Variants in CCDC81 observed in about 807,000 individuals in gnomAD.
CCDC81 encodes coiled-coil domain-containing protein 81.
In CCDC81, 79 loss-of-function variants were observed where a neutral mutation model predicts 83.7. That is an observed-to-expected ratio of 0.94 (90% CI 0.79 to 1.14). CCDC81 has a LOEUF of 1.14. Ranked by LOEUF, CCDC81 falls within the 50% of genes most tolerant of loss-of-function variation. The pLI is 0.00. For missense variants in CCDC81, 791 were observed against 778.1 expected, an observed-to-expected ratio of 1.02 and a Z score of -0.20; for synonymous variants, 252 against 278.1, an observed-to-expected ratio of 0.91 and a Z score of 0.93.
intron 1 of CCDC81, among the ~76,000 whole-genome samples, chr11:86,380,466 G>C (rs540977887): frequency 6.6e-6 from 1 of 152,188 alleles, no homozygotes; most frequent in African/African-American, 2.4e-5. Context: ...GGTGTTATTT[G>C]AGCTTCCTGG....
chr11:86,402,510 A>G (rs1402216360), intron 7 of CCDC81, among the ~76,000 whole-genome samples: 1 of 152,072 alleles, frequency 6.6e-6, no homozygotes, highest in African/African-American at 2.4e-5. Flanking sequence ...CCAATCTCCT[A>G]TTGGATATTT....
chr11:86,418,070 C>G (rs192050611), intron 13 of CCDC81, among the ~76,000 whole-genome samples: 82 of 152,154 alleles, frequency 5.4e-4, no homozygotes, highest in African/African-American at 1.9e-3. Flanking sequence ...ATTATTTTAA[C>G]CTATCCTTAA....
chr11:86,382,129 T>A (rs1948185203), intron 1 of CCDC81, among the ~76,000 whole-genome samples: 2 of 152,178 alleles, frequency 1.3e-5, no homozygotes. Context: ...GACCTTTATG[T>A]TAAGCCTGAT....
intron 6 of CCDC81, 42 bp from the exon 7 acceptor site, chr11:86,400,636 A>G: frequency 1.3e-6 from 2 of 1,558,310 alleles, no homozygotes; most frequent in South Asian, 1.2e-5. Context: ...GTGGTTTGAG[A>G]GTTGAAAGGA....
At chr11:86,407,805 C>A in intron 8 of CCDC81, 104 bp downstream of exon 8, 1 of 769,780 alleles carries the variant, frequency 1.3e-6, no homozygotes, top group Non-Finnish European at 2.2e-6. Flanking sequence ...ATGAGTATGG[C>A]TCAAGTACTC....
At chr11:86,406,632 C>A (rs1948570007) in intron 7 of CCDC81, among the ~76,000 whole-genome samples, 1 of 152,046 alleles carries the variant, frequency 6.6e-6, no homozygotes, top group African/African-American at 2.4e-5. Flanking sequence ...TGGTGAAACC[C>A]CGTCTCTACT....
intron 1 of CCDC81, among the ~76,000 whole-genome samples, chr11:86,382,000 C>G (rs146272643): frequency 2.6e-5 from 4 of 152,206 alleles, no homozygotes; most frequent in African/African-American, 9.6e-5. Context: ...GATGGAGCAA[C>G]TGAAAGACAG....
intron 5 of CCDC81, 63 bp downstream of exon 5, chr11:86,395,476 A>G: frequency 1.6e-6 from 2 of 1,259,392 alleles, no homozygotes; most frequent in Admixed American, 3.4e-5. Flanking sequence ...TGCTGATCTC[A>G]TTGGGCAGTG....
intron 7 of CCDC81, among the ~76,000 whole-genome samples, chr11:86,403,240 G>T (rs960164681): frequency 6.6e-6 from 1 of 151,728 alleles, no homozygotes; most frequent in African/African-American, 2.4e-5. Flanking sequence ...TTAACTGGGA[G>T]CTTTACTTTT....
At chr11:86,408,371 C>G in intron 9 of CCDC81, 101 bp downstream of exon 9, 4 of 1,160,850 alleles carry the variant, frequency 3.4e-6, no homozygotes, top group Non-Finnish European at 4.7e-6. Context: ...CTCACTCTGT[C>G]ACCCAGGTTG....
intron 2 of CCDC81, among the ~76,000 whole-genome samples, chr11:86,386,763 A>G (rs1948246424): frequency 2.0e-5 from 3 of 152,204 alleles, no homozygotes; most frequent in African/African-American, 7.2e-5. Flanking sequence ...GGGAAAAATC[A>G]TATAATGTTT....
chr11:86,381,823 T>A (rs1948180321), intron 1 of CCDC81, among the ~76,000 whole-genome samples: 1 of 151,624 alleles, frequency 6.6e-6, no homozygotes, highest in Non-Finnish European at 1.5e-5. Context: ...AGGATGGGGG[T>A]GTGTGCCAAG....
intron 1 of CCDC81, among the ~76,000 whole-genome samples, chr11:86,378,747 T>G (rs1948132754): frequency 6.6e-6 from 1 of 152,230 alleles, no homozygotes; most frequent in Non-Finnish European, 1.5e-5. Context: ...ACAACTCTCC[T>G]TGATTTGAAG....
At position 86,396,648 on chromosome 11, in the gene CCDC81, C is replaced by G. The variant is rs185176629; in HGVS notation, c.636-973C>G. On this transcript the variant is annotated intron_variant, in intron 5 of 14. Transcript: ENST00000445632. ...GATTCAGTGTGAAGTCCAGAGTAAG[C>G]CTTAGAGGTTGTTTTCCAACCGCCT... Among the ~76,000 whole-genome samples, 315 of 152,214 alleles carry G rather than the reference C, an allele frequency of 2.1e-3. 4 individuals carry two copies. The highest frequency in any genetic ancestry group is 0.019 in the Admixed American group (287 of 15,286).
At chr11:86,411,767 GTTTTGT>G (rs887956134) in intron 10 of CCDC81, among the ~76,000 whole-genome samples, 15 of 152,288 alleles carry the variant, frequency 9.8e-5, no homozygotes, top group South Asian at 2.1e-4. Flanking sequence ...CCACAGACAG[GTTTTGT>G]TTTTGTTTTT....
intron 11 of CCDC81, among the ~76,000 whole-genome samples, chr11:86,414,172 G>A (rs981005041): frequency 6.6e-6 from 1 of 152,154 alleles, no homozygotes; most frequent in African/African-American, 2.4e-5. Flanking sequence ...ATTTTTAAAA[G>A]AACTGGTGGG....
At chr11:86,379,416 A>T (rs909860073) in intron 1 of CCDC81, among the ~76,000 whole-genome samples, 1 of 152,062 alleles carries the variant, frequency 6.6e-6, no homozygotes, top group African/African-American at 2.4e-5. Context: ...TTTAAAAAAA[A>T]TTTTAGTAGT....
intron 1 of CCDC81, among the ~76,000 whole-genome samples, chr11:86,385,033 A>C (rs1948222293): frequency 6.6e-6 from 1 of 151,766 alleles, no homozygotes; most frequent in South Asian, 2.1e-4. Flanking sequence ...TGATAGTGCC[A>C]AGTGTATGCA....
At chr11:86,375,817 TGAG>T (rs1371041005) in intron 1 of CCDC81, among the ~76,000 whole-genome samples, 1 of 152,176 alleles carries the variant, frequency 6.6e-6, no homozygotes, top group African/African-American at 2.4e-5. Flanking sequence ...AAAGTGAGGC[TGAG>T]ATCTGTCTGC....
Sources: allele counts gnomAD v4.1 joint callset (sites outside exome capture counted in the v4.1 genomes callset), GRCh38; gene constraint gnomAD v4.1.1; transcripts MANE v1.5; gene names NCBI Gene and HGNC (gene_info 2026-07-23, HGNC 2026-07-21).